Variants in NOP58 observed in about 807,000 individuals in gnomAD.
The protein encoded by NOP58 is nucleolar protein 58.
In NOP58, 44 loss-of-function variants were observed where a neutral mutation model predicts 71.2. The ratio of observed to expected loss-of-function variants is 0.62; its 90% CI spans 0.49 to 0.79. The LOEUF is 0.79. NOP58 is among the 30% of genes least tolerant of loss of function. The pLI, the probability that NOP58 is intolerant of heterozygous loss-of-function variation, is 0.00. For synonymous variants in NOP58, 228 were observed against 200.3 expected, an observed-to-expected ratio of 1.14 and a Z score of -1.17; for missense variants, 538 against 620.2, an observed-to-expected ratio of 0.87 and a Z score of 1.41.
intron 2 of NOP58, chr2:202,276,355 A>AG (rs763553895): frequency 2.5e-4 from 73 of 290,988 alleles, no homozygotes; most frequent in African/African-American, 1.1e-3. Flanking sequence ...AAAAAAAAAA[A>AG]GATGACACTG....
intron 13 of NOP58, among the ~76,000 whole-genome samples, chr2:202,301,372 A>G (rs1689088843): frequency 1.3e-5 from 2 of 151,712 alleles, no homozygotes; most frequent in African/African-American, 4.8e-5. Context: ...TTTAGTAGAG[A>G]CAGGGTTTCA....
chr2:202,301,129 G>T (rs188062995), intron 13 of NOP58, among the ~76,000 whole-genome samples: 213 of 152,268 alleles, frequency 1.4e-3, no homozygotes, highest in Admixed American at 3.2e-3. Context: ...ATCCTCAATT[G>T]TGTATCCAAT....
intron 4 of NOP58, among the ~76,000 whole-genome samples, chr2:202,283,463 A>G (rs1243309043): frequency 1.4e-5 from 2 of 141,166 alleles, no homozygotes; most frequent in East Asian, 4.2e-4. Flanking sequence ...TTTTTTTAAG[A>G]CGGAGTCTCA....
chr2:202,293,865 G>GCGCC (rs1365650167), intron 9 of NOP58, among the ~76,000 whole-genome samples: 1 of 151,976 alleles, frequency 6.6e-6, no homozygotes, highest in Non-Finnish European at 1.5e-5. Flanking sequence ...GTGAGCCACT[G>GCGCC]CGCCCGGCCT....
At chr2:202,298,642 T>C (rs1488507648) in intron 12 of NOP58, among the ~76,000 whole-genome samples, 3 of 152,126 alleles carry the variant, frequency 2.0e-5, no homozygotes, top group African/African-American at 7.2e-5. Flanking sequence ...TCAAAAAAAG[T>C]TCATTCAGAG....
At chr2:202,291,319 G>C in intron 8 of NOP58, 49 bp downstream of exon 8, 1 of 1,432,908 alleles carries the variant, frequency 7.0e-7, no homozygotes, top group Non-Finnish European at 9.4e-7. Flanking sequence ...CAGCTCTATA[G>C]TACTAATTTT....
At chr2:202,288,001 C>G (rs1688822173) in intron 6 of NOP58, among the ~76,000 whole-genome samples, 1 of 152,042 alleles carries the variant, frequency 6.6e-6, no homozygotes, top group African/African-American at 2.4e-5. Context: ...ATAATCCCAG[C>G]TACTCAGGAG....
At chr2:202,286,003 A>C (rs1418712925) in intron 5 of NOP58, among the ~76,000 whole-genome samples, 2 of 151,956 alleles carry the variant, frequency 1.3e-5, no homozygotes, top group African/African-American at 4.8e-5. Flanking sequence ...GACCACGGTG[A>C]AACCTCGTCT....
intron 3 of NOP58, among the ~76,000 whole-genome samples, chr2:202,278,561 A>G (rs142542894): frequency 1.4e-3 from 218 of 152,356 alleles, no homozygotes; most frequent in Middle Eastern, 3.4e-3. Flanking sequence ...ACTAGATTTC[A>G]TCACGGGACA....
At chr2:202,271,039 G>A (rs1406920006) in intron 1 of NOP58, among the ~76,000 whole-genome samples, 4 of 151,194 alleles carry the variant, frequency 2.6e-5, no homozygotes, top group East Asian at 2.0e-4. Flanking sequence ...AGAAGACCGC[G>A]CCTCTGCACT....
In NOP58 at chr2:202,284,335, G is replaced by T; in HGVS notation, c.298-10G>T. ...TTTTTAATTTAATATAGATGTTCAT[G>T]TTCTTGTAGGAAAAGCTGAATCTCA... is the stretch of plus-strand genomic sequence containing the variant. On this transcript the variant is annotated splice_polypyrimidine_tract_variant and intron_variant, in intron 4 of 14. Transcript: ENST00000264279. 6.3e-7 allele frequency: 1 copy of T among 1,579,166 alleles called. No individual in the cohort carries two copies. The highest frequency in any genetic ancestry group is 2.3e-5 in the East Asian group (1 of 44,410).
chr2:202,284,559 C>T lies in NOP58; in HGVS notation c.434+78C>T, dbSNP rs571602208. 32 of 1,439,088 alleles carry T rather than the reference C, an allele frequency of 2.2e-5. No homozygotes were observed. The East Asian group carries it at 6.4e-4, about 29-fold the overall frequency. 89.1% of individuals were successfully genotyped at this position (1,439,088 alleles called of 1,614,324 possible). The stretch of plus-strand genomic sequence containing the variant: ...ACATAGATCTGTTCTAAGAATGTTA[C>T]AAATGCTCATTTGAACCACATCAGA... On this transcript the variant is annotated intron_variant, in intron 5 of 14. Transcript: ENST00000264279.
At position 202,295,654 on chromosome 2, in the gene NOP58, G is replaced by GT. The variant is rs1688976350; in HGVS notation, c.908-19dup. On this transcript the variant is annotated intron_variant, in intron 9 of 14. Transcript: ENST00000264279. ...TCATATATTTGGAGGTGCATTCTTT[G>GT]TAACTTTTTTCTTTTGTAGGTTCTC... 6.5e-7 allele frequency: 1 copy of GT among 1,542,032 alleles called. No individual in the cohort carries two copies. The highest frequency in any genetic ancestry group is 1.4e-5 in the African/African-American group (1 of 72,214).
At chr2:202,276,446 G>C (rs761468344) in intron 2 of NOP58, 1 of 513,316 alleles carries the variant, frequency 1.9e-6, no homozygotes, top group Non-Finnish European at 3.9e-6. Context: ...TGTTGTCAAT[G>C]ATGTATTCTT....
Position 202,291,105 on chromosome 2 carries a change from C to A in NOP58, c.635-20C>A. The A allele has an allele frequency of 6.4e-7, 1 of 1,568,644 alleles. No individual in the cohort carries two copies. Among genetic ancestry groups the A allele is most frequent in the South Asian group, 1.2e-5 (1 of 82,826 alleles). ...TTGTTGAAGAGTGATTCTCCCTCAT[C>A]CTCTGCAAACATTCCATAGGCGATA... On this transcript the variant is annotated intron_variant, in intron 7 of 14. Coordinates refer to ENST00000264279, the MANE Select transcript of NOP58 (RefSeq NM_015934.5).
At chr2:202,294,298 A>G (rs575068637) in intron 9 of NOP58, among the ~76,000 whole-genome samples, 14 of 150,130 alleles carry the variant, frequency 9.3e-5, no homozygotes, top group African/African-American at 3.2e-4. Context: ...AGCAGTGGTG[A>G]CATTGCTTGC....
chr2:202,282,341 T>C lies in NOP58; in HGVS notation c.176-10T>C. 1 of 1,589,386 alleles carries C rather than the reference T, an allele frequency of 6.3e-7. No individual in the cohort carries two copies. The highest frequency in any genetic ancestry group is 8.5e-7 in the Non-Finnish European group (1 of 1,174,442). ...GAGTTAATGCTTTTGTTTTTCTTTTTCTTGAAAAGCATTCACAGCTCTGAT... is the reference window on the plus strand; with the variant it reads ...GAGTTAATGCTTTTGTTTTTCTTTTCCTTGAAAAGCATTCACAGCTCTGAT... On this transcript the variant is annotated splice_polypyrimidine_tract_variant and intron_variant, in intron 3 of 14. Coordinates refer to ENST00000264279, the MANE Select transcript of NOP58 (RefSeq NM_015934.5).
At chr2:202,271,562 C>G (rs1339478954) in intron 1 of NOP58, among the ~76,000 whole-genome samples, 2 of 151,616 alleles carry the variant, frequency 1.3e-5, no homozygotes, top group Non-Finnish European at 2.9e-5. Flanking sequence ...GCGCAAGACT[C>G]CGTCTCAAAA....
intron 7 of NOP58, 127 bp from the exon 8 acceptor site, chr2:202,290,998 T>G: frequency 1.3e-6 from 1 of 792,592 alleles, no homozygotes; most frequent in South Asian, 2.3e-5. Context: ...GTCAAACTTC[T>G]TCATTTTTTT....
Sources: allele counts gnomAD v4.1 joint callset (sites outside exome capture counted in the v4.1 genomes callset), GRCh38; gene constraint gnomAD v4.1.1; transcripts MANE v1.5; gene names NCBI Gene and HGNC (gene_info 2026-07-23, HGNC 2026-07-21).